Variants in CORIN observed in about 807,000 individuals in gnomAD.
CORIN encodes atrial natriuretic peptide-converting enzyme.
Under a neutral mutation model 125.3 loss-of-function variants are expected in CORIN, and 117 were observed. The ratio of observed to expected loss-of-function variants is 0.93; its 90% CI spans 0.80 to 1.09. CORIN has a LOEUF of 1.09. Ranked by LOEUF, CORIN falls within the 50% of genes least tolerant of loss-of-function variation. The probability of loss-of-function intolerance (pLI) is 0.00; values close to 1 mark genes in which losing one functional copy is unlikely to be tolerated. For missense variants in CORIN, 1,253 were observed against 1,306.7 expected, an observed-to-expected ratio of 0.96 and a Z score of 0.63; for synonymous variants, 450 against 466.4, an observed-to-expected ratio of 0.96 and a Z score of 0.45.
chr4:47,660,282 A>G (rs1724185681), intron 12 of CORIN, among the ~76,000 whole-genome samples: 1 of 152,246 alleles, frequency 6.6e-6, no homozygotes, highest in African/African-American at 2.4e-5. Flanking sequence ...CTGCACAAAG[A>G]TTTCTTATGT....
intron 19 of CORIN, among the ~76,000 whole-genome samples, chr4:47,615,369 A>G (rs1722033708): frequency 6.6e-6 from 1 of 152,264 alleles, no homozygotes; most frequent in Non-Finnish European, 1.5e-5. Context: ...ATAAGGGAAC[A>G]AGAGAGTAGT....
chr4:47,745,324 GT>G (rs1285587230), intron 4 of CORIN, among the ~76,000 whole-genome samples: 1 of 152,174 alleles, frequency 6.6e-6, no homozygotes, highest in Non-Finnish European at 1.5e-5. Flanking sequence ...CCAGGTAATT[GT>G]TTCTACTTTA....
At chr4:47,762,403 T>A (rs1729509239) in intron 4 of CORIN, among the ~76,000 whole-genome samples, 1 of 152,234 alleles carries the variant, frequency 6.6e-6, no homozygotes, top group Non-Finnish European at 1.5e-5. Flanking sequence ...AGAAAATAAT[T>A]GATGTTATAT....
rs141525347 is a variant in CORIN at position 47,623,117 on chromosome 4, T to TATACAC, written c.2540+453_2540+454insGTGTAT. On this transcript the variant is annotated intron_variant, in intron 19 of 21. Coordinates refer to ENST00000273857, the MANE Select transcript of CORIN (RefSeq NM_006587.4). Reference sequence around the variant, plus strand: ...CTCTCTATATATATATATATATATATACACACACACACACACTCTCTCTGA... The same window carrying TATACAC: ...CTCTCTATATATATATATATATATATATACACACACACACACACACACTCTCTCTGA... 2.9e-3 allele frequency among the ~76,000 whole-genome samples: 394 copies of TATACAC among 134,446 alleles called. 8 individuals are homozygous for TATACAC. The highest frequency in any genetic ancestry group is 0.012 in the African/African-American group (373 of 32,350). 88.2% of individuals were successfully genotyped at this position (134,446 alleles called of 152,430 possible).
chr4:47,680,222 C>A lies in CORIN; in HGVS notation c.1051G>T (p.Gly351Trp), dbSNP rs368765606. 1 of 1,613,930 alleles carries A rather than the reference C, an allele frequency of 6.2e-7. No homozygotes were observed. Among genetic ancestry groups the A allele is most frequent in the East Asian group, 2.2e-5 (1 of 44,850 alleles). The change falls in exon 8 of 22, where the codon GGG becomes TGG. Residue 351 changes from glycine to tryptophan, a missense_variant. Coordinates refer to ENST00000273857, the MANE Select transcript of CORIN (RefSeq NM_006587.4). ...DCNPTTEHRC[G>W]DGRCIAMEWV... ...TCCATGGCGATGCAGCGCCCGTCCC[C>A]GCAGCGATGCTCTGTTGTGGGATTG...
intron 1 of CORIN, among the ~76,000 whole-genome samples, chr4:47,809,393 T>C (rs532683016): frequency 1.8e-4 from 26 of 145,098 alleles, no homozygotes; most frequent in African/African-American, 5.9e-4. Context: ...AGAGAATTGA[T>C]TGCTTTTTTT....
At chr4:47,708,874 C>T (rs1461580017) in intron 5 of CORIN, among the ~76,000 whole-genome samples, 2 of 152,176 alleles carry the variant, frequency 1.3e-5, no homozygotes, top group African/African-American at 4.8e-5. Flanking sequence ...AGATCCTACT[C>T]CTGTAATGAG....
intron 5 of CORIN, among the ~76,000 whole-genome samples, chr4:47,702,681 C>T (rs945946519): frequency 2.0e-5 from 3 of 151,998 alleles, no homozygotes; most frequent in Non-Finnish European, 4.4e-5. Context: ...AAATAAATTG[C>T]CTATGACTTT....
At chr4:47,748,523 AAAT>A (rs1728763245) in intron 4 of CORIN, among the ~76,000 whole-genome samples, 1 of 152,230 alleles carries the variant, frequency 6.6e-6, no homozygotes, top group Non-Finnish European at 1.5e-5. Flanking sequence ...ATAGCTATAT[AAAT>A]AATACTACAA....
intron 3 of CORIN, among the ~76,000 whole-genome samples, chr4:47,785,729 T>C (rs1033401525): frequency 9.2e-5 from 14 of 151,814 alleles, no homozygotes; most frequent in African/African-American, 2.4e-4. Flanking sequence ...CTGACTAACA[T>C]GGTGAAACCC....
chr4:47,829,290 T>C (rs1333433106), intron 1 of CORIN, among the ~76,000 whole-genome samples: 1 of 152,190 alleles, frequency 6.6e-6, no homozygotes, highest in African/African-American at 2.4e-5. Context: ...ATCTGTTTCT[T>C]TTTGCTTTTT....
intron 21 of CORIN, among the ~76,000 whole-genome samples, chr4:47,599,275 C>G (rs1721361900): frequency 6.6e-6 from 1 of 150,392 alleles, no homozygotes; most frequent in Admixed American, 6.6e-5. Flanking sequence ...CTGTCTGCCT[C>G]CCTCTTTCCC....
chr4:47,635,693 T>C (rs1441430824), intron 16 of CORIN, among the ~76,000 whole-genome samples: 2 of 152,194 alleles, frequency 1.3e-5, no homozygotes, highest in Non-Finnish European at 2.9e-5. Context: ...TGTAAAATAG[T>C]AAGAAAAGAA....
At chr4:47,608,209 T>C (rs1384234111) in intron 19 of CORIN, among the ~76,000 whole-genome samples, 1 of 151,986 alleles carries the variant, frequency 6.6e-6, no homozygotes, top group Admixed American at 6.6e-5. Context: ...TAACCCCAGC[T>C]ACTCAGGAGG....
At chr4:47,635,485 T>C (rs1417477934) in intron 16 of CORIN, among the ~76,000 whole-genome samples, 2 of 152,210 alleles carry the variant, frequency 1.3e-5, no homozygotes, top group East Asian at 1.9e-4. Context: ...CTGTATTCTA[T>C]GCAAAAATAA....
chr4:47,608,362 A>G (rs1271590147), intron 19 of CORIN, among the ~76,000 whole-genome samples: 1 of 152,200 alleles, frequency 6.6e-6, no homozygotes, highest in Non-Finnish European at 1.5e-5. Context: ...CAAGAAAAGA[A>G]AGCCAAGTAT....
In CORIN at chr4:47,599,266, T is replaced by G. The variant is rs1308896690; in HGVS notation, c.2946+948A>C. On this transcript the variant is annotated intron_variant, in intron 21 of 21. Transcript: ENST00000273857. ...GGTCTCAGCGAAATGCCAAGGGAGC[T>G]GTCTGCCTCCCTCTTTCCCATGACA... Among the ~76,000 whole-genome samples, 180 of 152,198 alleles carry G rather than the reference T, an allele frequency of 1.2e-3. 1 individual carries two copies. The highest frequency in any genetic ancestry group is 2.1e-3 in the Non-Finnish European group (144 of 68,022).
intron 5 of CORIN, among the ~76,000 whole-genome samples, chr4:47,730,025 C>T (rs2109812464): frequency 6.6e-6 from 1 of 152,256 alleles, no homozygotes; most frequent in South Asian, 2.1e-4. Context: ...ACCTTGCACT[C>T]ATCCTTGGAG....
At chr4:47,796,234 T>A (rs1039095241) in intron 2 of CORIN, among the ~76,000 whole-genome samples, 1 of 152,054 alleles carries the variant, frequency 6.6e-6, no homozygotes, top group African/African-American at 2.4e-5. Flanking sequence ...GATGAATAAA[T>A]TTTAAAAATG....
Sources: gnomAD v4.1 joint callset for allele counts (sites outside exome capture counted in the v4.1 genomes callset) on GRCh38, gnomAD v4.1.1 for gene constraint, MANE v1.5 for transcripts, NCBI Gene and HGNC (gene_info 2026-07-23, HGNC 2026-07-21) for gene names.